MYRIP: variants seen among roughly 807,000 people sequenced by gnomAD.
MYRIP encodes the protein rab effector MyRIP.
MYRIP carries 49 observed loss-of-function variants against 98.0 expected under a neutral mutation model. The observed-to-expected ratio is 0.50, with a 90% CI of 0.40 to 0.63. The LOEUF is 0.63. Ranked by LOEUF, MYRIP falls within the 30% of genes least tolerant of loss-of-function variation. The pLI is 0.00. For synonymous variants in MYRIP, 404 were observed against 409.5 expected, an observed-to-expected ratio of 0.99 and a Z score of 0.16; for missense variants, 1,004 against 1,058.2, an observed-to-expected ratio of 0.95 and a Z score of 0.71.
intron 1 of MYRIP, among the ~76,000 whole-genome samples, chr3:39,835,010 G>A (rs1426582095): frequency 6.6e-6 from 1 of 152,048 alleles, no homozygotes; most frequent in Admixed American, 6.5e-5. Context: ...ATTCGTAGAG[G>A]GGACAGTGGG....
intron 3 of MYRIP, among the ~76,000 whole-genome samples, chr3:40,129,047 T>C (rs1251037706): frequency 6.6e-6 from 1 of 152,072 alleles, no homozygotes; most frequent in Admixed American, 6.6e-5. Context: ...CCCAGTTCAG[T>C]TCTTTTTCCT....
chr3:40,016,955 C>T (rs1946877810), intron 2 of MYRIP, among the ~76,000 whole-genome samples: 2 of 152,188 alleles, frequency 1.3e-5, no homozygotes, highest in South Asian at 4.1e-4. Flanking sequence ...AGGATACATA[C>T]AAAGATCACA....
At chr3:39,960,270 C>A (rs186277740) in intron 2 of MYRIP, among the ~76,000 whole-genome samples, 5 of 152,074 alleles carry the variant, frequency 3.3e-5, no homozygotes, top group African/African-American at 9.7e-5. Flanking sequence ...CCCTCTCCCC[C>A]CATTCTTTCC....
At chr3:40,110,295 G>A (rs1487993533) in intron 3 of MYRIP, among the ~76,000 whole-genome samples, 1 of 152,206 alleles carries the variant, frequency 6.6e-6, no homozygotes, top group Non-Finnish European at 1.5e-5. Flanking sequence ...AAGTAAGCCT[G>A]TTTTTATGAA....
intron 2 of MYRIP, among the ~76,000 whole-genome samples, chr3:39,978,511 C>G (rs1294817371): frequency 6.6e-6 from 1 of 152,190 alleles, no homozygotes; most frequent in African/African-American, 2.4e-5. Flanking sequence ...TAAATGCATC[C>G]TGTCTCTCTC....
At chr3:39,989,169 T>C (rs1454753865) in intron 2 of MYRIP, among the ~76,000 whole-genome samples, 1 of 152,176 alleles carries the variant, frequency 6.6e-6, no homozygotes, top group Admixed American at 6.5e-5. Context: ...ATATTGATCT[T>C]TGTGGCTGCT....
intron 3 of MYRIP, among the ~76,000 whole-genome samples, chr3:40,058,716 C>T (rs941645564): frequency 1.3e-5 from 2 of 150,830 alleles, no homozygotes; most frequent in African/African-American, 4.9e-5. Context: ...CCATTTTGAA[C>T]ATGGTACTTG....
chr3:39,818,946 T>C (rs1217744102), intron 1 of MYRIP, among the ~76,000 whole-genome samples: 2 of 152,246 alleles, frequency 1.3e-5, no homozygotes, highest in Non-Finnish European at 1.5e-5. Context: ...TTTTTGTGTA[T>C]ATATAAATAC....
In MYRIP at chr3:39,812,699, G is replaced by A. The variant is rs560937284; in HGVS notation, c.-31+2783G>A. Among the ~76,000 whole-genome samples the A allele has an allele frequency of 4.6e-5, 7 of 152,350 alleles. No individual in the cohort carries two copies. In the South Asian group the frequency reaches 1.4e-3, roughly 32 times the overall value. ...GTTGACAGAGAATCAGAATTTGAAA[G>A]CTGACTGATTTATGAACTGTTGGTG... On this transcript the variant is annotated intron_variant, in intron 1 of 16. Transcript: ENST00000302541.
At chr3:39,862,554 A>T (rs1250684957) in intron 1 of MYRIP, among the ~76,000 whole-genome samples, 1 of 152,256 alleles carries the variant, frequency 6.6e-6, no homozygotes, top group African/African-American at 2.4e-5. Flanking sequence ...CAAAGAAGGC[A>T]TTTTGTAATG....
intron 2 of MYRIP, among the ~76,000 whole-genome samples, chr3:39,968,289 C>T (rs867377520): frequency 6.6e-6 from 1 of 151,856 alleles, no homozygotes; most frequent in African/African-American, 2.4e-5. Context: ...GGGCATGCCT[C>T]AGCCTCCCAA....
At chr3:39,985,560 C>T (rs1394343692) in intron 2 of MYRIP, among the ~76,000 whole-genome samples, 1 of 136,962 alleles carries the variant, frequency 7.3e-6, no homozygotes, top group East Asian at 2.1e-4. Context: ...TCAAACTATA[C>T]TACAAGGCTA....
intron 1 of MYRIP, among the ~76,000 whole-genome samples, chr3:39,859,859 A>AC (rs1942414913): frequency 6.6e-6 from 1 of 152,188 alleles, no homozygotes; most frequent in Non-Finnish European, 1.5e-5. Context: ...AAGAAAATGT[A>AC]CCCCAAAATA....
intron 3 of MYRIP, among the ~76,000 whole-genome samples, chr3:40,140,781 G>A (rs908283920): frequency 6.6e-6 from 1 of 151,786 alleles, no homozygotes; most frequent in Admixed American, 6.6e-5. Flanking sequence ...TTTTTTGTGG[G>A]TATATAATAG....
At chr3:40,234,580 T>C (rs553722848) in intron 12 of MYRIP, among the ~76,000 whole-genome samples, 1 of 152,086 alleles carries the variant, frequency 6.6e-6, no homozygotes, top group East Asian at 1.9e-4. Flanking sequence ...AGAGAAACTA[T>C]AAAGGAGATC....
At chr3:40,199,507 G>C (rs1027283105) in intron 10 of MYRIP, among the ~76,000 whole-genome samples, 1 of 152,184 alleles carries the variant, frequency 6.6e-6, no homozygotes, top group African/African-American at 2.4e-5. Context: ...TGTGAGGCAT[G>C]CATGTTGGCA....
chr3:40,253,419 G>C (rs1365485772), intron 16 of MYRIP, among the ~76,000 whole-genome samples: 1 of 152,108 alleles, frequency 6.6e-6, no homozygotes, highest in Admixed American at 6.6e-5. Flanking sequence ...TGACCTATTC[G>C]TGAAGAGGCG....
At chr3:40,090,153 G>A (rs1453276026) in intron 3 of MYRIP, among the ~76,000 whole-genome samples, 1 of 151,996 alleles carries the variant, frequency 6.6e-6, no homozygotes, top group Non-Finnish European at 1.5e-5. Context: ...CTTGCATGGT[G>A]AGCTTTGAGA....
upstream of MYRIP, chr3:39,809,490 C>A (rs1940584048): frequency 6.8e-6 from 1 of 147,528 alleles, no homozygotes. Flanking sequence ...CGATCGCGGG[C>A]CGCCCCTCCC....
Sources: allele counts gnomAD v4.1 joint callset (sites outside exome capture counted in the v4.1 genomes callset), GRCh38; gene constraint gnomAD v4.1.1; transcripts MANE v1.5; gene names NCBI Gene and HGNC (gene_info 2026-07-23, HGNC 2026-07-21).